Variants in B4GALNT4 observed in about 807,000 individuals in gnomAD.
B4GALNT4 encodes beta-1,4-N-acetyl-galactosaminyltransferase 4, also known as N-acetyl-beta-glucosaminyl-glycoprotein 4-beta-N-acetylgalactosaminyltransferase 1.
A neutral mutation model predicts 110.0 loss-of-function variants in B4GALNT4; 77 were observed. That is an observed-to-expected ratio of 0.70 (90% CI 0.58 to 0.85). The LOEUF (loss-of-function observed/expected upper bound fraction) is 0.85, where lower values mean the gene tolerates loss of function less well. B4GALNT4 is among the 40% of genes least tolerant of loss of function. The pLI, the probability that B4GALNT4 is intolerant of heterozygous loss-of-function variation, is 0.00. For synonymous variants in B4GALNT4, 785 were observed against 655.5 expected (o/e 1.20, Z -3.02); for missense variants, 1,575 against 1,506.0 (o/e 1.05, Z -0.76).
intron 1 of B4GALNT4, among the ~76,000 whole-genome samples, chr11:370,709 C>T (rs11246134): frequency 6.6e-6 from 1 of 152,020 alleles, no homozygotes; most frequent in South Asian, 2.1e-4. Flanking sequence ...CAGAATGCCC[C>T]CTCTGGAGGA....
chr11:372,235 C>T (rs1300516090), intron 2 of B4GALNT4, 23 bp downstream of exon 2: 1 of 1,544,012 alleles, frequency 6.5e-7, no homozygotes. Flanking sequence ...CTGGGGAGAA[C>T]ACGTGTGCAC....
Position 379,541 on chromosome 11 carries a change from C to A in B4GALNT4, c.2328C>A (p.Tyr776Ter). The part of the protein sequence containing the change: ...RGGGRLRLSE[Y>*]VFLRLPGARV... ...GCGGCCGCCTGCGACTGTCCGAGTA[C>A]GTCTTCCTGCGGCTGCCGGGAGCCC... The change falls in exon 15 of 20, where the codon TAC (tyrosine) becomes TAA (stop). Residue 776 changes from tyrosine (Y) to a stop codon, truncating the protein, a stop_gained. Coordinates refer to ENST00000329962, the MANE Select transcript of B4GALNT4 (RefSeq NM_178537.5). LOFTEE classifies it high-confidence loss of function. The A allele has an allele frequency of 6.3e-7, 1 of 1,587,424 alleles. No homozygotes were observed. The highest frequency in any genetic ancestry group is 8.5e-7 in the Non-Finnish European group (1 of 1,170,010).
chr11:373,350 C>T (rs1846655611), intron 6 of B4GALNT4, 59 bp downstream of exon 6: 1 of 1,579,180 alleles, frequency 6.3e-7, no homozygotes, highest in Admixed American at 1.7e-5. Context: ...TCACCTGTGC[C>T]CACCAGCCTC....
rs1167096604 is a variant in B4GALNT4, at chr11:380,853, T to C, written c.2898T>C (p.Leu966=). The part of the protein sequence containing the change: ...HGYWEVNGFG[L]FGIYKSDFDR... The stretch of plus-strand genomic sequence containing the variant: ...ACTGGGAGGTGAACGGCTTTGGCCT[T>C]TTTGGGATCTACAAGTCGGACTTTG... The change falls in exon 19 of 20, where the codon CTT becomes CTC. Residue 966 remains leucine, a synonymous_variant. Coordinates refer to ENST00000329962, the MANE Select transcript of B4GALNT4 (RefSeq NM_178537.5). 1 of 1,613,670 alleles carries C rather than the reference T, an allele frequency of 6.2e-7. No individual in the cohort carries two copies. Among genetic ancestry groups the C allele is most frequent in the Admixed American group, 1.7e-5 (1 of 60,006 alleles).
chr11:375,426 C>A, intron 8 of B4GALNT4, 35 bp from the exon 9 acceptor site: 3 of 1,609,314 alleles, frequency 1.9e-6, no homozygotes, highest in Non-Finnish European at 2.5e-6. Context: ...CCAGCCACCG[C>A]CCTGTCCCTG....
chr11:379,175 G>A (rs1052509560), intron 14 of B4GALNT4, among the ~76,000 whole-genome samples: 3 of 152,232 alleles, frequency 2.0e-5, no homozygotes, highest in African/African-American at 4.8e-5. Context: ...CAGGAGGCCC[G>A]CGAGGAGGTG....
chr11:376,846 C>G lies in B4GALNT4; in HGVS notation c.1723C>G (p.His575Asp), dbSNP rs1216242063. Residue 575 changes from histidine to aspartate, a missense_variant, in exon 14 of 20, where the codon CAC (histidine) becomes GAC (aspartate). Transcript: ENST00000329962. ...LRAPPRPPRPHGRRTGGPQAT... is the reference protein window; with the variant it reads ...LRAPPRPPRPDGRRTGGPQAT... ...GGCGCCCCCACGCCCACCCCGGCCC[C>G]ACGGCCGCAGGACCGGCGGCCCCCA... The G allele has an allele frequency of 1.3e-5, 17 of 1,328,498 alleles. No homozygotes were observed. The highest frequency in any genetic ancestry group is 1.6e-5 in the Non-Finnish European group (17 of 1,040,092). The allele number at this position is 1,328,498 out of a possible 1,614,324, so 82.3% of individuals were successfully genotyped here. A position where few individuals can be genotyped will look rare whatever the true frequency, so the allele number is the denominator to read the frequency against.
rs1262937406 is a variant in B4GALNT4, at chr11:377,226, C to A, written c.2103C>A (p.Asn701Lys). ...TCGAGCTGCTGCGCTCGGACTGGAACGACCTGCGATGCAACGTTTCGGGGA... is the reference window on the plus strand; with the variant it reads ...TCGAGCTGCTGCGCTCGGACTGGAAAGACCTGCGATGCAACGTTTCGGGGA... ...VDFELLRSDW[N>K]DLRCNVSGNL... The change falls in exon 14 of 20, where the codon AAC becomes AAA. Residue 701 changes from asparagine (N) to lysine (K), a missense_variant. By Grantham distance (94) the Asn-to-Lys change is moderately conservative. Coordinates refer to ENST00000329962, the MANE Select transcript of B4GALNT4 (RefSeq NM_178537.5). 6.3e-7 allele frequency: 1 copy of A among 1,597,404 alleles called. No individual in the cohort carries two copies. The highest frequency in any genetic ancestry group is 8.5e-7 in the Non-Finnish European group (1 of 1,173,054).
intron 14 of B4GALNT4, 44 bp downstream of exon 14, chr11:377,371 G>C (rs1360434200): frequency 6.9e-7 from 1 of 1,448,322 alleles, no homozygotes; most frequent in Admixed American, 2.5e-5. Flanking sequence ...TTTGGAGGCG[G>C]GGACAGCCGG....
chr11:374,236 C>CAT (rs1162849419), intron 8 of B4GALNT4, among the ~76,000 whole-genome samples: 1 of 151,994 alleles, frequency 6.6e-6, no homozygotes, highest in Non-Finnish European at 1.5e-5. Flanking sequence ...AGAATGAGGC[C>CAT]ATTGGATTTG....
chr11:373,874 C>G, intron 8 of B4GALNT4, 46 bp downstream of exon 8: 4 of 1,580,546 alleles, frequency 2.5e-6, no homozygotes, highest in Non-Finnish European at 3.5e-6. Context: ...TCCACTCCCC[C>G]CACCTCCCTG....
rs1410545642 is a variant in B4GALNT4 at position 377,094 on chromosome 11, C to T, written c.1971C>T (p.Asp657=). 1.4e-6 allele frequency: 2 copies of T among 1,454,404 alleles called. No individual in the cohort carries two copies. The highest frequency in any genetic ancestry group is 2.7e-5 in the East Asian group (1 of 36,812). The allele number at this position is 1,454,404 out of a possible 1,614,324, so 90.1% of individuals were successfully genotyped here. The change falls in exon 14 of 20, where the codon GAC becomes GAT. Residue 657 remains aspartate, a synonymous_variant. Coordinates refer to ENST00000329962, the MANE Select transcript of B4GALNT4 (RefSeq NM_178537.5). ...EEGEDDGAPG[D]EAASEDSEEA... The stretch of plus-strand genomic sequence containing the variant: ...GGGAGGACGATGGGGCCCCGGGCGA[C>T]GAGGCCGCGTCGGAGGACAGCGAGG...
Position 376,944 on chromosome 11 carries a change from G to A in B4GALNT4, c.1821G>A (p.Leu607=), listed in dbSNP as rs1282821770. Residue 607 remains leucine (L), a synonymous_variant, in exon 14 of 20, where the codon CTG becomes CTA. Transcript: ENST00000329962. Reference sequence around the variant, plus strand: ...GCCGGGAGGGCCAGGCGCGCACGCTGGGACCTGCGGCGCCCACAGTGGACT... The same window carrying A: ...GCCGGGAGGGCCAGGCGCGCACGCTAGGACCTGCGGCGCCCACAGTGGACT... ...QGGREGQART[L]GPAAPTVDSN... 19 of 1,438,522 alleles carry A rather than the reference G, an allele frequency of 1.3e-5. No homozygotes were observed. The highest frequency in any genetic ancestry group is 1.7e-5 in the Non-Finnish European group (19 of 1,101,070). 89.1% of individuals were successfully genotyped at this position (1,438,522 alleles called of 1,614,324 possible).
At position 369,648 on chromosome 11, in the gene B4GALNT4, C is replaced by T; in HGVS notation, c.-156C>T. The T allele has an allele frequency of 3.8e-6, 1 of 266,096 alleles. No individual in the cohort carries two copies. The allele number at this position is 266,096 out of a possible 1,614,324, so 16.5% of individuals were successfully genotyped here. A position where few individuals can be genotyped will look rare whatever the true frequency, so the allele number is the denominator to read the frequency against. Reference sequence around the variant, plus strand: ...CGAGGGCGGCCTGGGGGGGTCGCGGCCGCACCCGGTGGCCGCGCACGGCGG... The same window carrying T: ...CGAGGGCGGCCTGGGGGGGTCGCGGTCGCACCCGGTGGCCGCGCACGGCGG... On this transcript the variant is annotated 5_prime_UTR_variant, in exon 1 of 20. Transcript: ENST00000329962.
Position 372,751 on chromosome 11 carries a change from G to C in B4GALNT4, c.345G>C (p.Glu115Asp). ...CCCATCAGACACCCCCATGGCGGGA[G>C]GAGGTGAGCTGGCTCGGCCTGTAAT... is the stretch of plus-strand genomic sequence containing the variant. ...NFTHQTPPWREEYKGQVNLHV... is the reference protein window; with the variant it reads ...NFTHQTPPWRDEYKGQVNLHV... The change falls in exon 3 of 20, where the codon GAG (glutamate) becomes GAC (aspartate). Residue 115 changes from glutamate to aspartate, a missense_variant. By Grantham distance (45) the Glu-to-Asp change is conservative. Coordinates refer to ENST00000329962, the MANE Select transcript of B4GALNT4 (RefSeq NM_178537.5). 6.2e-7 allele frequency: 1 copy of C among 1,609,652 alleles called. No individual in the cohort carries two copies. The highest frequency in any genetic ancestry group is 2.2e-5 in the East Asian group (1 of 44,754).
chr11:380,823 A>G lies in B4GALNT4; in HGVS notation c.2870-2A>G, dbSNP rs762873497. The G allele has an allele frequency of 6.2e-7, 1 of 1,613,458 alleles. No individual in the cohort carries two copies. The highest frequency in any genetic ancestry group is 1.7e-5 in the Admixed American group (1 of 59,980). The stretch of plus-strand genomic sequence containing the variant: ...GTAGCACCCCTCACCCTCCCGCCCC[A>G]GGTTACTGGGAGGTGAACGGCTTTG... On this transcript the variant is annotated splice_acceptor_variant, in intron 18 of 19. Transcript: ENST00000329962. LOFTEE classifies it high-confidence loss of function.
intron 8 of B4GALNT4, 111 bp from the exon 9 acceptor site, chr11:375,350 C>A: frequency 8.9e-7 from 1 of 1,118,796 alleles, no homozygotes; most frequent in South Asian, 1.2e-5. Context: ...TCTCCTGCAT[C>A]CTTTAAGGGA....
At chr11:370,006 CGCGGGGGGCGCGGGCGGCGCGGGG>C (rs1846584384) in intron 1 of B4GALNT4, 52 bp downstream of exon 1, 1 of 54,162 alleles carries the variant, frequency 1.8e-5, no homozygotes, top group Non-Finnish European at 3.5e-5. Flanking sequence ...GCGCGGGGGG[CGCGGGGGGCGCGGGCGGCGCGGGG>C]GGCGCGGGCG....
In B4GALNT4 at chr11:377,318, G is replaced by A. The variant is rs371882290; in HGVS notation, c.2195G>A (p.Arg732His). Residue 732 changes from arginine to histidine, a missense_variant, in exon 14 of 20, where the codon CGC becomes CAC. Arg to His is a conservative substitution (Grantham distance 29, BLOSUM62 0). Coordinates refer to ENST00000329962, the MANE Select transcript of B4GALNT4 (RefSeq NM_178537.5). ...TAQYMERLNA[R>H]HGGRFALLRI... ...CAGTACATGGAGCGGCTGAACGCGC[G>A]CCACGGCGGGTATGGGGGCGGCCGA... The A allele has an allele frequency of 3.3e-5, 51 of 1,539,444 alleles. No homozygotes were observed. In the African/African-American group the frequency reaches 6.7e-4, roughly 20 times the overall value.
Sources: gnomAD v4.1 joint callset for allele counts (sites outside exome capture counted in the v4.1 genomes callset) on GRCh38, gnomAD v4.1.1 for gene constraint, MANE v1.5 for transcripts, NCBI Gene and HGNC (gene_info 2026-07-23, HGNC 2026-07-21) for gene names.